The following PIK3C2A variants were observed in gnomAD, a reference collection of about 807,000 sequenced individuals.
PIK3C2A encodes phosphatidylinositol-4-phosphate 3-kinase catalytic subunit type 2 alpha.
Under a neutral mutation model 204.5 loss-of-function variants are expected in PIK3C2A, and 97 were observed. The observed-to-expected ratio is 0.47, with a 90% CI of 0.40 to 0.56. The LOEUF (loss-of-function observed/expected upper bound fraction) is 0.56. Ranked by LOEUF, PIK3C2A falls within the 20% of genes least tolerant of loss-of-function variation. PIK3C2A has a pLI of 0.00. For synonymous variants in PIK3C2A, 653 were observed against 664.4 expected (o/e 0.98, Z 0.26); for missense variants, 1,735 against 1,969.2 (o/e 0.88, Z 2.25).
chr11:17,182,478 A>G (rs936761181), intron 1 of PIK3C2A, among the ~76,000 whole-genome samples: 3 of 151,540 alleles, frequency 2.0e-5, no homozygotes, highest in African/African-American at 7.3e-5. Context: ...GACAGGTAGG[A>G]GCATCACTTG....
chr11:17,148,537 T>C (rs757766211), intron 5 of PIK3C2A, 130 bp downstream of exon 5: 15 of 757,740 alleles, frequency 2.0e-5, no homozygotes, highest in African/African-American at 5.3e-5. Context: ...TAAAAGTTTA[T>C]TGATTCAATA....
In PIK3C2A at chr11:17,097,039, T is replaced by C. The variant is rs1848474865; in HGVS notation, c.4326+18A>G. ...TAATACATGCATGATTGTTTATGAA[T>C]ATTGAAATCAAACTTACATAATGTT... On this transcript the variant is annotated intron_variant, in intron 27 of 32. Transcript: ENST00000691414. 4 of 1,354,102 alleles carry C rather than the reference T, an allele frequency of 3.0e-6. No homozygotes were observed. The highest frequency in any genetic ancestry group is 2.9e-5 in the African/African-American group (2 of 69,888). The allele number at this position is 1,354,102 out of a possible 1,614,324, so 83.9% of individuals were successfully genotyped here.
chr11:17,152,218 G>A (rs963118199), intron 3 of PIK3C2A, among the ~76,000 whole-genome samples: 2 of 152,016 alleles, frequency 1.3e-5, no homozygotes, highest in African/African-American at 4.8e-5. Flanking sequence ...TTTTTGTTAC[G>A]TATATTTTAT....
At chr11:17,190,118 C>T (rs1475236149) in intron 1 of PIK3C2A, among the ~76,000 whole-genome samples, 1 of 151,952 alleles carries the variant, frequency 6.6e-6, no homozygotes, top group Non-Finnish European at 1.5e-5. Flanking sequence ...CAAAAATTAG[C>T]TGGGCATAGT....
At chr11:17,181,603 AATATATATATAT>A (rs148434889) in intron 1 of PIK3C2A, among the ~76,000 whole-genome samples, 218 of 101,274 alleles carry the variant, frequency 2.2e-3, no homozygotes, top group African/African-American at 7.5e-3. Context: ...CCCATTTTTA[AATATATATATAT>A]ATATATATAT....
Position 17,169,350 on chromosome 11 carries a change from A to G in PIK3C2A, c.392T>C (p.Leu131Pro), listed in dbSNP as rs1198860604. 1.2e-6 allele frequency: 2 copies of G among 1,613,940 alleles called. No individual in the cohort carries two copies. The highest frequency in any genetic ancestry group is 1.7e-5 in the Admixed American group (1 of 59,966). Residue 131 changes from leucine (L) to proline (P), a missense_variant, in exon 2 of 33, where the codon CTC becomes CCC. Physicochemically the swap from Leu to Pro is moderately conservative, Grantham distance 98. Around this residue, in one of 6 missense-constraint regions of PIK3C2A, gnomAD observed 536 missense variants for 546.7 expected, o/e 0.98. Transcript: ENST00000691414. ...TCTCTGAATAGTAGGTCTAAAATAG[A>G]GCTGTGCTGAAAAGGAAGGGCTCAG... ...PILSPSFSAQ[L>P]YFRPTIQRGQ...
At chr11:17,199,782 G>A (rs1235990151) in intron 1 of PIK3C2A, among the ~76,000 whole-genome samples, 2 of 152,002 alleles carry the variant, frequency 1.3e-5, no homozygotes, top group African/African-American at 4.8e-5. Context: ...AAAATTAGCT[G>A]GGCGTGGTGG....
At chr11:17,130,509 A>G (rs901155751) in intron 12 of PIK3C2A, among the ~76,000 whole-genome samples, 4 of 152,176 alleles carry the variant, frequency 2.6e-5, no homozygotes, top group Non-Finnish European at 2.9e-5. Flanking sequence ...CCTTAGTTTA[A>G]AAACACTATT....
In PIK3C2A at chr11:17,168,792, C is replaced by T; in HGVS notation, c.950G>A (p.Cys317Tyr). 6 of 1,613,946 alleles carry T rather than the reference C, an allele frequency of 3.7e-6. No individual in the cohort carries two copies. Among genetic ancestry groups the T allele is most frequent in the Non-Finnish European group, 5.1e-6 (6 of 1,179,938 alleles). ...TCCATTCACCTTTCTTTCAAGATGA[C>T]AATTTGCTGTCGATCTCTCTTCAAG... Reference protein sequence around the residue: ...VLLEERSTANCHLERKVNGKS... With the variant: ...VLLEERSTANYHLERKVNGKS... The change falls in exon 2 of 33, where the codon TGT becomes TAT. Residue 317 changes from cysteine (C) to tyrosine (Y), a missense_variant. Transcript: ENST00000691414.
At chr11:17,124,087 T>G (rs1590934243) in intron 13 of PIK3C2A, among the ~76,000 whole-genome samples, 1 of 152,160 alleles carries the variant, frequency 6.6e-6, no homozygotes, top group African/African-American at 2.4e-5. Flanking sequence ...CTGGTTGGAA[T>G]GCGCGGTGTG....
chr11:17,173,985 T>C (rs1037173787), intron 1 of PIK3C2A, among the ~76,000 whole-genome samples: 2 of 151,980 alleles, frequency 1.3e-5, no homozygotes, highest in African/African-American at 4.8e-5. Flanking sequence ...GTATTTTTAG[T>C]AGAGACCAAA....
At chr11:17,130,152 A>T (rs1213414342) in intron 12 of PIK3C2A, among the ~76,000 whole-genome samples, 1 of 152,158 alleles carries the variant, frequency 6.6e-6, no homozygotes, top group East Asian at 1.9e-4. Context: ...ACAAACATAT[A>T]TAATAAGTAT....
intron 13 of PIK3C2A, 152 bp downstream of exon 13, chr11:17,129,148 G>GTCC (rs1278464104): frequency 1.8e-5 from 11 of 606,540 alleles, no homozygotes; most frequent in East Asian, 2.7e-5. Context: ...TCTAATCTGT[G>GTCC]TCTCTGAACT....
At chr11:17,181,430 C>T (rs1851547795) in intron 1 of PIK3C2A, among the ~76,000 whole-genome samples, 1 of 151,204 alleles carries the variant, frequency 6.6e-6, no homozygotes, top group African/African-American at 2.4e-5. Flanking sequence ...TACAATAAAA[C>T]TTAGAAACAG....
At position 17,089,825 on chromosome 11, in the gene PIK3C2A, C is replaced by T; in HGVS notation, c.4974G>A (p.Leu1658=). ...CTTTCAAAGGCAGGGTTACTCCACC[C>T]AAGAAAAAATTCTCCCGCAGAGATT... ...SAESLRENFF[L]GGVTLPLKDF... Residue 1658 remains leucine (L), a synonymous_variant, in exon 33 of 33, where the codon TTG becomes TTA. Transcript: ENST00000691414. 1 of 1,613,842 alleles carries T rather than the reference C, an allele frequency of 6.2e-7. No individual in the cohort carries two copies. The highest frequency in any genetic ancestry group is 1.7e-5 in the Admixed American group (1 of 60,020).
chr11:17,184,222 T>A (rs954672519), intron 1 of PIK3C2A, among the ~76,000 whole-genome samples: 10 of 146,740 alleles, frequency 6.8e-5, no homozygotes, highest in South Asian at 2.2e-4. Context: ...CCTTCTACTT[T>A]AAAAAAAAAA....
intron 1 of PIK3C2A, among the ~76,000 whole-genome samples, chr11:17,193,199 A>G (rs1166710501): frequency 6.6e-6 from 1 of 152,170 alleles, no homozygotes; most frequent in Admixed American, 6.5e-5. Flanking sequence ...AGCCAAATAA[A>G]TTTATTTTCT....
intron 22 of PIK3C2A, 87 bp downstream of exon 22, chr11:17,110,345 A>G (rs1848957608): frequency 1.2e-6 from 1 of 868,358 alleles, no homozygotes; most frequent in East Asian, 2.6e-5. Context: ...ATACCAGGGT[A>G]TCTGCATCAG....
chr11:17,110,281 T>G, intron 22 of PIK3C2A, 151 bp downstream of exon 22: 1 of 562,006 alleles, frequency 1.8e-6, no homozygotes, highest in South Asian at 2.6e-5. Flanking sequence ...GAGACTTAAT[T>G]ATGAGCAACT....
Sources: allele counts gnomAD v4.1 joint callset (sites outside exome capture counted in the v4.1 genomes callset), GRCh38; gene constraint gnomAD v4.1.1; regional missense constraint gnomAD v4.1.1; transcripts MANE v1.5; gene names NCBI Gene and HGNC (gene_info 2026-07-23, HGNC 2026-07-21).